Variants in NECTIN4 observed in about 807,000 individuals in gnomAD.
The protein encoded by NECTIN4 is nectin cell adhesion molecule 4, also known as nectin-4.
In NECTIN4, 19 loss-of-function variants were observed where a neutral mutation model predicts 51.7. The ratio of observed to expected loss-of-function variants is 0.37; its 90% CI spans 0.26 to 0.54. The LOEUF (loss-of-function observed/expected upper bound fraction) is 0.54. Among genes scored for constraint, NECTIN4 ranks in the 20% least tolerant of loss-of-function variants. NECTIN4 has a pLI of 0.86. For missense variants in NECTIN4, 619 were observed against 662.4 expected (o/e 0.93, Z 0.72); for synonymous variants, 283 against 286.9 (o/e 0.99, Z 0.14).
intron 2 of NECTIN4, among the ~76,000 whole-genome samples, chr1:161,078,763 G>A (rs1162356281): frequency 6.6e-6 from 1 of 152,010 alleles, no homozygotes. Context: ...TGTAATCCCA[G>A]CACTTTGGGA....
At chr1:161,077,284 C>T (rs897989723) in intron 3 of NECTIN4, among the ~76,000 whole-genome samples, 169 bp downstream of exon 3, 10 of 152,174 alleles carry the variant, frequency 6.6e-5, no homozygotes, top group African/African-American at 2.4e-4. Flanking sequence ...GGTCTATCCT[C>T]TGGGATCGGG....
In NECTIN4 at chr1:161,077,633, C is replaced by A; in HGVS notation, c.550G>T (p.Asp184Tyr). ...EGSPAPSVTWDTEVKGTTSSR... is the reference protein window; with the variant it reads ...EGSPAPSVTWYTEVKGTTSSR... ...GACGTTGTGCCTTTGACCTCCGTGT[C>A]CCAGGTCACGCTGGGGGCTGGGCTG... The change falls in exon 3 of 9, where the codon GAC becomes TAC. Residue 184 changes from aspartate (D) to tyrosine (Y), a missense_variant. This residue lies in a region of NECTIN4 where 37 missense variants were observed against 60.3 expected (regional missense o/e 0.61). Coordinates refer to ENST00000368012, the MANE Select transcript of NECTIN4 (RefSeq NM_030916.3). The A allele has an allele frequency of 6.2e-7, 1 of 1,613,706 alleles. No individual in the cohort carries two copies. The highest frequency in any genetic ancestry group is 8.5e-7 in the Non-Finnish European group (1 of 1,180,044).
At chr1:161,083,382 C>T (rs998126056) in intron 1 of NECTIN4, among the ~76,000 whole-genome samples, 16 of 152,188 alleles carry the variant, frequency 1.1e-4, no homozygotes, top group Non-Finnish European at 2.1e-4. Flanking sequence ...CAGGCCAGGA[C>T]TGCCTCCTCC....
chr1:161,077,310 A>G, intron 3 of NECTIN4, 143 bp downstream of exon 3: 1 of 881,372 alleles, frequency 1.1e-6, no homozygotes, highest in Non-Finnish European at 1.9e-6. Flanking sequence ...GGTCTTCCAC[A>G]TTTGGACTAG....
chr1:161,073,365 C>T, intron 7 of NECTIN4, 66 bp from the exon 8 acceptor site: 2 of 1,373,736 alleles, frequency 1.5e-6, no homozygotes, highest in Non-Finnish European at 2.1e-6. Context: ...CTCTTCCCCT[C>T]TTGTCCTCCA....
At chr1:161,081,405 C>T (rs1653671300) in intron 1 of NECTIN4, among the ~76,000 whole-genome samples, 1 of 151,484 alleles carries the variant, frequency 6.6e-6, no homozygotes, top group African/African-American at 2.4e-5. Context: ...TGGTCACTGA[C>T]CAGAAAGAGA....
In NECTIN4 at chr1:161,073,757, C is replaced by T. The variant is rs772180014; in HGVS notation, c.1196G>A (p.Arg399Gln). The change falls in exon 7 of 9, where the codon CGG (arginine) becomes CAG (glutamine). Residue 399 changes from arginine to glutamine, a missense_variant. Coordinates refer to ENST00000368012, the MANE Select transcript of NECTIN4 (RefSeq NM_030916.3). ...GTCCGTGTGATGGGAATGCAGCCTC[C>T]GGATGGAGTTCTCCCTGGTCAGGGT... ...ELTLTRENSI[R>Q]RLHSHHTDPR... 15 of 1,614,056 alleles carry T rather than the reference C, an allele frequency of 9.3e-6. No individual in the cohort carries two copies. The African/African-American group carries it at 1.1e-4, about 11-fold the overall frequency.
At chr1:161,080,278 C>T (rs1210163114) in intron 1 of NECTIN4, among the ~76,000 whole-genome samples, 1 of 152,188 alleles carries the variant, frequency 6.6e-6, no homozygotes, top group African/African-American at 2.4e-5. Context: ...TGTAACAGAA[C>T]AGGAGACCCA....
intron 2 of NECTIN4, 62 bp from the exon 3 acceptor site, chr1:161,077,805 C>T: frequency 2.7e-6 from 4 of 1,470,664 alleles, no homozygotes; most frequent in South Asian, 2.4e-5. Context: ...GGCCCCCACT[C>T]ATCGCATTTC....
rs559669838 is a variant in NECTIN4 at position 161,074,446 on chromosome 1, G to A, written c.1001-73C>T. 8.9e-5 allele frequency: 143 copies of A among 1,604,190 alleles called. No homozygotes were observed. The African/African-American group carries it at 1.3e-3, about 15-fold the overall frequency. ...CCACCCCAGACCTCACAGCTCCCCC[G>A]CAAAACATCTAAAACCACACCTCAG... is the stretch of plus-strand genomic sequence containing the variant. On this transcript the variant is annotated intron_variant, in intron 5 of 8. Coordinates refer to ENST00000368012, the MANE Select transcript of NECTIN4 (RefSeq NM_030916.3).
At chr1:161,083,329 C>T (rs1482697787) in intron 1 of NECTIN4, among the ~76,000 whole-genome samples, 2 of 152,236 alleles carry the variant, frequency 1.3e-5, no homozygotes, top group Non-Finnish European at 2.9e-5. Flanking sequence ...GAATCCCTGT[C>T]CTTGTCTAAA....
intron 1 of NECTIN4, among the ~76,000 whole-genome samples, chr1:161,082,610 A>G (rs904774502): frequency 6.6e-6 from 1 of 152,058 alleles, no homozygotes; most frequent in African/African-American, 2.4e-5. Flanking sequence ...AGGAGAGGGA[A>G]GAAGGATGCT....
chr1:161,075,561 A>G (rs1571146379), intron 4 of NECTIN4, among the ~76,000 whole-genome samples: 1 of 152,038 alleles, frequency 6.6e-6, no homozygotes, highest in East Asian at 1.9e-4. Flanking sequence ...ACCCGAGGTC[A>G]GCAGTTCGAG....
rs779410889 is a variant in NECTIN4 at position 161,073,720 on chromosome 1, C to A, written c.1233G>T (p.Gln411His). Residue 411 changes from glutamine (Q) to histidine (H), a missense_variant and splice_region_variant, in exon 7 of 9, where the codon CAG becomes CAT. By Grantham distance (24) the Gln-to-His change is conservative (BLOSUM62 0). Around this residue, in one of 3 missense-constraint regions of NECTIN4, gnomAD observed 364 missense variants for 415.7 expected, o/e 0.88. Transcript: ENST00000368012. ...GCATACACCCAACCTTGGCACACAC[C>A]TGGCTCCTGGGGTCCGTGTGATGGG... Reference protein sequence around the residue: ...LHSHHTDPRSQPEESVGLRAE... With the variant: ...LHSHHTDPRSHPEESVGLRAE... 2 of 1,614,014 alleles carry A rather than the reference C, an allele frequency of 1.2e-6. No homozygotes were observed. The highest frequency in any genetic ancestry group is 2.7e-5 in the African/African-American group (2 of 75,064).
chr1:161,080,976 G>A (rs776571568), intron 1 of NECTIN4, among the ~76,000 whole-genome samples: 3 of 152,316 alleles, frequency 2.0e-5, no homozygotes, highest in Non-Finnish European at 4.4e-5. Context: ...CAATCACTAT[G>A]GGACTGAATC....
intron 1 of NECTIN4, among the ~76,000 whole-genome samples, chr1:161,085,377 GTCA>G (rs1653897068): frequency 6.6e-6 from 1 of 152,132 alleles, no homozygotes; most frequent in South Asian, 2.1e-4. Context: ...GCCTGGCTGA[GTCA>G]CCACAACAGC....
In NECTIN4 at chr1:161,072,206, C is replaced by T. The variant is rs1245514902; in HGVS notation, c.*455G>A. 3 of 297,498 alleles carry T rather than the reference C, an allele frequency of 1.0e-5. No individual in the cohort carries two copies. The highest frequency in any genetic ancestry group is 2.0e-5 in the Non-Finnish European group (3 of 150,778). 18.4% of individuals were successfully genotyped at this position (297,498 alleles called of 1,614,324 possible). A position where few individuals can be genotyped will look rare whatever the true frequency, so the allele number is the denominator to read the frequency against. On this transcript the variant is annotated 3_prime_UTR_variant, in exon 9 of 9. Transcript: ENST00000368012. ...TCCTCCAACCTCTGCATCATTAATA[C>T]TGCTCTGGGGTCTGAGAAAATACCT...
At chr1:161,079,443 T>C (rs1557947381) in intron 2 of NECTIN4, 147 bp downstream of exon 2, 1 of 1,076,696 alleles carries the variant, frequency 9.3e-7, no homozygotes, top group Non-Finnish European at 1.3e-6. Context: ...GGTGCGAGGA[T>C]AGCTAGCTGG....
chr1:161,080,727 G>GACAAAGGGCTAGT (rs1055476260), intron 1 of NECTIN4, among the ~76,000 whole-genome samples: 4 of 152,062 alleles, frequency 2.6e-5, no homozygotes, highest in Non-Finnish European at 5.9e-5. Flanking sequence ...GAGGACAAGG[G>GACAAAGGGCTAGT]ACAAAGGGCT....
Sources: allele counts gnomAD v4.1 joint callset (sites outside exome capture counted in the v4.1 genomes callset), GRCh38; gene constraint gnomAD v4.1.1; regional missense constraint gnomAD v4.1.1; transcripts MANE v1.5; gene names NCBI Gene and HGNC (gene_info 2026-07-23, HGNC 2026-07-21).